The following CHRM5 variants were observed in gnomAD, a reference collection of about 807,000 sequenced individuals.
CHRM5 encodes muscarinic acetylcholine receptor M5.
CHRM5 carries 18 observed loss-of-function variants against 39.0 expected under a neutral mutation model. The observed-to-expected ratio is 0.46, with a 90% CI of 0.32 to 0.68. The LOEUF (loss-of-function observed/expected upper bound fraction) is 0.68. CHRM5 is among the 30% of genes least tolerant of loss of function. The pLI, the probability that CHRM5 is intolerant of heterozygous loss-of-function variation, is 0.04. For synonymous variants in CHRM5, 241 were observed against 246.3 expected (o/e 0.98, Z 0.20); for missense variants, 515 against 651.1 (o/e 0.79, Z 2.28).
chr15:34,006,014 T>G (rs1202669134), intron 1 of CHRM5, among the ~76,000 whole-genome samples: 1 of 152,112 alleles, frequency 6.6e-6, no homozygotes, highest in Non-Finnish European at 1.5e-5. Context: ...AGGAACATTC[T>G]ACAGAAAATA....
chr15:34,007,144 C>CA, intron 1 of CHRM5: 1 of 682,466 alleles, frequency 1.5e-6, no homozygotes, highest in Non-Finnish European at 1.8e-6. Flanking sequence ...TACTGCCGAG[C>CA]TATTATCTTG....
chr15:34,017,387 A>G (rs1649053812), intron 1 of CHRM5, among the ~76,000 whole-genome samples: 1 of 152,040 alleles, frequency 6.6e-6, no homozygotes, highest in African/African-American at 2.4e-5. Context: ...TCAATCACCT[A>G]AGATTTTTCA....
At chr15:34,035,620 T>G (rs2339352) in intron 1 of CHRM5, among the ~76,000 whole-genome samples, 125,929 of 152,078 alleles carry the variant, frequency 0.83, 52,361 homozygotes, top group East Asian at 1. Context: ...CATCTTATAT[T>G]AAGTACTCGA....
At chr15:34,018,492 T>C (rs954217255) in intron 1 of CHRM5, 6 of 150,330 alleles carry the variant, frequency 4.0e-5, no homozygotes, top group Non-Finnish European at 5.9e-5. Context: ...TTAAAGGTAG[T>C]GCGTCCAGAG....
intron 1 of CHRM5, among the ~76,000 whole-genome samples, chr15:33,996,471 C>T (rs1439599948): frequency 2.6e-5 from 4 of 152,100 alleles, no homozygotes; most frequent in African/African-American, 4.8e-5. Context: ...CCCTCTGGGA[C>T]GAAGCTTCCA....
chr15:34,009,557 A>C (rs1897547268), intron 1 of CHRM5, among the ~76,000 whole-genome samples: 1 of 152,222 alleles, frequency 6.6e-6, no homozygotes, highest in Non-Finnish European at 1.5e-5. Context: ...AATAAAGAAA[A>C]AGCATAAAAA....
intron 1 of CHRM5, chr15:34,039,034 G>T: frequency 9.0e-7 from 1 of 1,117,094 alleles, no homozygotes; most frequent in South Asian, 3.9e-5. Flanking sequence ...CGAGCTCCTC[G>T]CTCCGCCTGC....
chr15:34,043,202 A>G lies in CHRM5; in HGVS notation c.-407-3338A>G, dbSNP rs529387653. Among the ~76,000 whole-genome samples the G allele has an allele frequency of 1.4e-3, 209 of 151,424 alleles. 1 individual carries two copies. The highest frequency in any genetic ancestry group is 6.8e-3 in the Middle Eastern group (2 of 294). ...GCAGAGCTTGCAGTGAGCCGAGATC[A>G]CACCACTGCACTCCAGCCTGGGCGA... On this transcript the variant is annotated intron_variant, in intron 1 of 2. Transcript: ENST00000383263.
intron 1 of CHRM5, among the ~76,000 whole-genome samples, chr15:33,992,577 T>C (rs1202360558): frequency 2.0e-5 from 3 of 152,196 alleles, no homozygotes; most frequent in African/African-American, 7.2e-5. Context: ...TTCAGATGTT[T>C]TAAATATCAA....
intron 1 of CHRM5, among the ~76,000 whole-genome samples, chr15:34,017,835 T>C (rs1303506397): frequency 1.3e-5 from 2 of 152,180 alleles, no homozygotes; most frequent in African/African-American, 4.8e-5. Context: ...AACTAAGTAA[T>C]GCACCACATA....
At chr15:34,053,379 G>A (rs557940607) in intron 2 of CHRM5, among the ~76,000 whole-genome samples, 99 of 137,300 alleles carry the variant, frequency 7.2e-4, no homozygotes, top group African/African-American at 2.5e-3. Flanking sequence ...AAGATAATCC[G>A]AAGGAAAAAG....
Position 33,997,609 on chromosome 15 carries a change from CAAG to C in CHRM5, c.-408+28463_-408+28465del, listed in dbSNP as rs1197223677. 5.3e-5 allele frequency among the ~76,000 whole-genome samples: 8 copies of C among 152,282 alleles called. No individual in the cohort carries two copies. In the East Asian group the frequency reaches 5.8e-4, roughly 11 times the overall value. On this transcript the variant is annotated intron_variant, in intron 1 of 2. Transcript: ENST00000383263. ...CCCACCTCTCCAACTCACACTTTCT[CAAG>C]AAGGTCAATAATCCTTCTGCCCTGA...
At position 34,062,571 on chromosome 15, in the gene CHRM5, A is replaced by AAAG. The variant is rs1555521305; in HGVS notation, c.-75-70_-75-69insGAA. 284 of 668,310 alleles carry AAAG rather than the reference A, an allele frequency of 4.2e-4. 1 individual carries two copies. The highest frequency in any genetic ancestry group is 1.2e-3 in the African/African-American group (64 of 53,880). The allele number at this position is 668,310 out of a possible 1,614,324, so 41.4% of individuals were successfully genotyped here. A position where few individuals can be genotyped will look rare whatever the true frequency, so the allele number is the denominator to read the frequency against. On this transcript the variant is annotated intron_variant, in intron 2 of 2. Transcript: ENST00000383263. ...TTCTGTCTCAAAAAAAAAAAAAAAA[A>AAAG]AAACTATAAACAATGGATGGACAAG...
intron 2 of CHRM5, among the ~76,000 whole-genome samples, chr15:34,060,210 G>A (rs945748265): frequency 2.0e-5 from 3 of 152,126 alleles, no homozygotes; most frequent in Non-Finnish European, 4.4e-5. Context: ...TAACACCGAG[G>A]TATTATAGGT....
chr15:34,038,186 A>G (rs1163657884), intron 1 of CHRM5, among the ~76,000 whole-genome samples: 1 of 152,228 alleles, frequency 6.6e-6, no homozygotes, highest in Non-Finnish European at 1.5e-5. Context: ...CAGGCATAAT[A>G]AAAGAGAACT....
chr15:34,031,191 T>TTC (rs1898786746), intron 1 of CHRM5, among the ~76,000 whole-genome samples: 1 of 147,754 alleles, frequency 6.8e-6, no homozygotes, highest in African/African-American at 2.5e-5. Context: ...TTTTTTTTTT[T>TTC]GAGACTGAGT....
chr15:34,053,202 A>C (rs1385694083), intron 2 of CHRM5, among the ~76,000 whole-genome samples: 3 of 149,340 alleles, frequency 2.0e-5, no homozygotes, highest in Non-Finnish European at 4.4e-5. Context: ...CAGGAGGCTG[A>C]GGCAGGAGAA....
At chr15:34,045,881 G>A (rs937496523) in intron 1 of CHRM5, among the ~76,000 whole-genome samples, 2 of 152,124 alleles carry the variant, frequency 1.3e-5, no homozygotes, top group Non-Finnish European at 2.9e-5. Flanking sequence ...AGAAACAATC[G>A]GCCAAGGTTG....
intron 1 of CHRM5, among the ~76,000 whole-genome samples, chr15:34,039,779 G>C (rs1172637437): frequency 6.6e-6 from 1 of 152,190 alleles, no homozygotes. Context: ...ACAGCTCTAT[G>C]AGGTAGGGAT....
Sources: gnomAD v4.1 joint callset for allele counts (sites outside exome capture counted in the v4.1 genomes callset) on GRCh38, gnomAD v4.1.1 for gene constraint, MANE v1.5 for transcripts, NCBI Gene and HGNC (gene_info 2026-07-23, HGNC 2026-07-21) for gene names.